Variants in C10orf90 observed in about 807,000 individuals in gnomAD.
C10orf90 encodes chromosome 10 open reading frame 90.
A neutral mutation model predicts 62.5 loss-of-function variants in C10orf90; 56 were observed. The observed-to-expected ratio is 0.90, with a 90% CI of 0.72 to 1.12. The LOEUF (loss-of-function observed/expected upper bound fraction) is 1.12. C10orf90 is among the 50% of genes most tolerant of loss of function. The pLI is 0.00. For synonymous variants in C10orf90, 386 were observed against 340.4 expected (o/e 1.13, Z -1.47); for missense variants, 970 against 880.4 (o/e 1.10, Z -1.29).
chr10:126,641,293 CTG>C (rs1463115411), intron 2 of C10orf90, among the ~76,000 whole-genome samples: 4 of 152,054 alleles, frequency 2.6e-5, no homozygotes, highest in Non-Finnish European at 5.9e-5. Context: ...GAAATAGAAA[CTG>C]TTGTTATGAA....
intron 4 of C10orf90, among the ~76,000 whole-genome samples, chr10:126,481,088 T>G (rs1861140867): frequency 6.6e-6 from 1 of 152,218 alleles, no homozygotes; most frequent in East Asian, 1.9e-4. Flanking sequence ...AGAGGCTTTT[T>G]GCCAGCTGTT....
chr10:126,618,662 G>GA lies in C10orf90; in HGVS notation c.313+27902dup, dbSNP rs11374938. Among the ~76,000 whole-genome samples, 614 of 150,122 alleles carry GA rather than the reference G, an allele frequency of 4.1e-3. 5 individuals are homozygous for GA. The highest frequency in any genetic ancestry group is 0.014 in the African/African-American group (554 of 40,920). ...TTTACTGAAGTATGATTCATATATA[G>GA]AAAAAAAAACAAATCACAAAGGGAT... is the stretch of plus-strand genomic sequence containing the variant. On this transcript the variant is annotated intron_variant, in intron 2 of 9. Transcript: ENST00000488181.
intron 2 of C10orf90, among the ~76,000 whole-genome samples, chr10:126,514,635 A>T (rs1863331230): frequency 6.6e-6 from 1 of 152,150 alleles, no homozygotes; most frequent in Admixed American, 6.5e-5. Flanking sequence ...TGAATTCCTC[A>T]TCCACCACAC....
chr10:126,513,967 T>C (rs1405609081), intron 2 of C10orf90, 28 bp from the exon 3 acceptor site: 5 of 1,477,570 alleles, frequency 3.4e-6, no homozygotes, highest in Non-Finnish European at 4.7e-6. Flanking sequence ...ATATTGCTAC[T>C]TTTTAGTATA....
chr10:126,527,889 ACAGC>A (rs1386877424), intron 2 of C10orf90, among the ~76,000 whole-genome samples: 1 of 152,222 alleles, frequency 6.6e-6, no homozygotes, highest in Non-Finnish European at 1.5e-5. Flanking sequence ...CATGAGCAAA[ACAGC>A]CAGAAAAGTC....
At chr10:126,430,944 C>T (rs570068875) in intron 7 of C10orf90, among the ~76,000 whole-genome samples, 67 of 152,272 alleles carry the variant, frequency 4.4e-4, no homozygotes, top group Non-Finnish European at 8.2e-4. Context: ...ATTTCTTCCT[C>T]TCTGGAGAAA....
chr10:126,525,220 G>A (rs979105249), intron 2 of C10orf90, among the ~76,000 whole-genome samples: 6 of 152,178 alleles, frequency 3.9e-5, no homozygotes, highest in East Asian at 1.9e-4. Flanking sequence ...AAAATGGGAC[G>A]TCCTTGAAAC....
chr10:126,592,970 T>A (rs1845010984), intron 2 of C10orf90, among the ~76,000 whole-genome samples: 1 of 152,166 alleles, frequency 6.6e-6, no homozygotes, highest in South Asian at 2.1e-4. Context: ...GAAATGCACG[T>A]CAAGACCACA....
chr10:126,438,892 C>T (rs1208007824), intron 7 of C10orf90, among the ~76,000 whole-genome samples: 2 of 151,918 alleles, frequency 1.3e-5, no homozygotes, highest in Non-Finnish European at 2.9e-5. Context: ...CTGCCCCAGA[C>T]CCTGGAGTTG....
At chr10:126,576,266 G>A (rs1844608873) in intron 2 of C10orf90, among the ~76,000 whole-genome samples, 2 of 151,952 alleles carry the variant, frequency 1.3e-5, no homozygotes, top group African/African-American at 4.8e-5. Context: ...CAAATGATCT[G>A]AGCCAACATC....
chr10:126,620,642 C>T (rs532824702), intron 2 of C10orf90, among the ~76,000 whole-genome samples: 1 of 151,426 alleles, frequency 6.6e-6, no homozygotes, highest in Non-Finnish European at 1.5e-5. Context: ...TATTTTCCAT[C>T]TTAGAAGCCA....
chr10:126,605,871 ACATACATG>A (rs1554924674), intron 2 of C10orf90, among the ~76,000 whole-genome samples: 2,810 of 143,292 alleles, frequency 0.02, 94 homozygotes, highest in African/African-American at 0.067. Context: ...ACCTAAAAAT[ACATACATG>A]CATACATACA....
intron 2 of C10orf90, among the ~76,000 whole-genome samples, chr10:126,576,763 G>C (rs1266790797): frequency 4.1e-5 from 5 of 120,510 alleles, no homozygotes; most frequent in African/African-American, 1.0e-4. Flanking sequence ...TAGATAATAT[G>C]TATATGTACA....
At chr10:126,505,760 G>T (rs1225512818) in intron 3 of C10orf90, among the ~76,000 whole-genome samples, 1 of 152,152 alleles carries the variant, frequency 6.6e-6, no homozygotes, top group Non-Finnish European at 1.5e-5. Flanking sequence ...TTTGAGACCA[G>T]CCTGACCAAC....
intron 7 of C10orf90, among the ~76,000 whole-genome samples, chr10:126,454,531 G>T (rs1443646053): frequency 6.6e-6 from 1 of 151,420 alleles, no homozygotes; most frequent in Non-Finnish European, 1.5e-5. Context: ...TATAAGCTAT[G>T]GTTTACCCCT....
At chr10:126,429,454 G>A (rs965048715) in intron 8 of C10orf90, among the ~76,000 whole-genome samples, 2 of 152,210 alleles carry the variant, frequency 1.3e-5, no homozygotes, top group African/African-American at 2.4e-5. Context: ...CTTCAAAGGT[G>A]CAGTGACAAA....
intron 2 of C10orf90, among the ~76,000 whole-genome samples, chr10:126,572,379 A>C (rs1178229769): frequency 3.9e-5 from 6 of 152,160 alleles, no homozygotes; most frequent in Non-Finnish European, 1.5e-5. Context: ...AAGTTTATTA[A>C]GGAAGTAAAG....
intron 2 of C10orf90, among the ~76,000 whole-genome samples, chr10:126,622,526 G>A (rs1416062093): frequency 1.3e-5 from 2 of 152,196 alleles, no homozygotes; most frequent in Non-Finnish European, 2.9e-5. Context: ...CACTGCTAAC[G>A]GGTAGAGGCC....
chr10:126,516,912 A>G (rs1219958682), intron 2 of C10orf90, among the ~76,000 whole-genome samples: 1 of 152,162 alleles, frequency 6.6e-6, no homozygotes, highest in African/African-American at 2.4e-5. Flanking sequence ...TGCTTCCAAT[A>G]TCACATCTCC....
Sources: allele counts gnomAD v4.1 joint callset (sites outside exome capture counted in the v4.1 genomes callset), GRCh38; gene constraint gnomAD v4.1.1; transcripts MANE v1.5; gene names NCBI Gene and HGNC (gene_info 2026-07-23, HGNC 2026-07-21).